The following EIF2B4 variants were observed in gnomAD, a reference collection of about 807,000 sequenced individuals.
The protein encoded by EIF2B4 is eukaryotic translation initiation factor 2B subunit delta.
Under a neutral mutation model 66.7 loss-of-function variants are expected in EIF2B4, and 34 were observed. The observed-to-expected ratio is 0.51, with a 90% CI of 0.39 to 0.68. The LOEUF is 0.68. Among genes scored for constraint, EIF2B4 ranks in the 30% least tolerant of loss-of-function variants. EIF2B4 has a pLI of 0.00. For missense variants in EIF2B4, 618 were observed against 657.9 expected (o/e 0.94, Z 0.66); for synonymous variants, 278 against 253.6 (o/e 1.10, Z -0.92).
chr2:27,370,218 C>T lies in EIF2B4; in HGVS notation c.31+66G>A, dbSNP rs577115995. On this transcript the variant is annotated intron_variant, in intron 1 of 12. Coordinates refer to ENST00000347454, the MANE Select transcript of EIF2B4 (RefSeq NM_001034116.2). ...GGCGGGGCCCAAAGGCGCTCAAGGC[C>T]CGGCACTAGCTGTCCGGAGCTCGTC... 1.8e-5 allele frequency: 27 copies of T among 1,541,214 alleles called. No homozygotes were observed. The South Asian group carries it at 3.1e-4, about 18-fold the overall frequency.
At chr2:27,366,547 G>A in intron 11 of EIF2B4, 1 of 623,548 alleles carries the variant, frequency 1.6e-6, no homozygotes, top group Middle Eastern at 4.4e-4. Context: ...GGGCATGGTG[G>A]CACACACCAG....
chr2:27,367,821 A>G lies in EIF2B4; in HGVS notation c.707T>C (p.Val236Ala), dbSNP rs1400485315. Residue 236 changes from valine (V) to alanine (A), a missense_variant and splice_region_variant, in exon 8 of 13, where the codon GTG becomes GCG. Val to Ala is a moderately conservative substitution (Grantham distance 64, BLOSUM62 0). Coordinates refer to ENST00000347454, the MANE Select transcript of EIF2B4 (RefSeq NM_001034116.2). ...AGGCGGTGTTGTGTAATCCTGAATC[A>G]CCTATAGGGTACACAAGGTGATCTG... The part of the protein sequence containing the change: ...CIALLRALQQ[V>A]IQDYTTPPNE... 3 of 1,613,760 alleles carry G rather than the reference A, an allele frequency of 1.9e-6. No homozygotes were observed. Among genetic ancestry groups the G allele is most frequent in the Non-Finnish European group, 2.5e-6 (3 of 1,179,774 alleles).
At chr2:27,370,035 C>T (rs1190599748) in intron 1 of EIF2B4, 116 bp from the exon 2 acceptor site, 1 of 1,511,850 alleles carries the variant, frequency 6.6e-7, no homozygotes, top group Non-Finnish European at 8.9e-7. Context: ...CGCCGGCAGG[C>T]GCGAGGCGAG....
Position 27,370,308 on chromosome 2 carries a change from C to T in EIF2B4, c.7G>A (p.Ala3Thr). MA[A>T]VAVAVREDSG... Reference sequence around the variant, plus strand: ...CCCTCGCGAACAGCCACGGCCACAGCAGCCATCGCCCTCAGTCCTAGGCTC... The same window carrying T: ...CCCTCGCGAACAGCCACGGCCACAGTAGCCATCGCCCTCAGTCCTAGGCTC... The change falls in exon 1 of 13, where the codon GCT becomes ACT. Residue 3 changes from alanine to threonine, a missense_variant. Physicochemically the swap from Ala to Thr is moderately conservative, Grantham distance 58. Coordinates refer to ENST00000347454, the MANE Select transcript of EIF2B4 (RefSeq NM_001034116.2). The T allele has an allele frequency of 1.3e-6, 2 of 1,544,518 alleles. No homozygotes were observed. Among genetic ancestry groups the T allele is most frequent in the Non-Finnish European group, 1.7e-6 (2 of 1,147,548 alleles).
At position 27,369,420 on chromosome 2, in the gene EIF2B4, A is replaced by C; in HGVS notation, c.205T>G (p.Cys69Gly). The C allele has an allele frequency of 6.2e-7, 1 of 1,613,952 alleles. No individual in the cohort carries two copies. The highest frequency in any genetic ancestry group is 8.5e-7 in the Non-Finnish European group (1 of 1,179,986). ...AAAGAGACCCCTCACTCACCTTGAC[A>C]TTGGGCTGCAGATACAGCAGAGCCA... ...ETGSAVSAAQ[C>G]QVGPTRELPE... Residue 69 changes from cysteine (C) to glycine (G), a missense_variant, in exon 3 of 13, where the codon TGT (cysteine) becomes GGT (glycine). Physicochemically the swap from Cys to Gly is radical, Grantham distance 159. Transcript: ENST00000347454.
rs753484412 is a variant in EIF2B4, at chr2:27,367,625, A to T, written c.783-66T>A. On this transcript the variant is annotated intron_variant, in intron 8 of 12. Coordinates refer to ENST00000347454, the MANE Select transcript of EIF2B4 (RefSeq NM_001034116.2). ...CACAACTTACAAAGCCTTCACATTT[A>T]AAAAAAAAGTCTTTAAAAAGAAAAT... 3.5e-4 allele frequency: 526 copies of T among 1,509,004 alleles called. 1 individual carries two copies. The highest frequency in any genetic ancestry group is 4.5e-4 in the Non-Finnish European group (494 of 1,089,502). 93.5% of individuals were successfully genotyped at this position (1,509,004 alleles called of 1,614,324 possible).
At chr2:27,369,947 A>G in intron 1 of EIF2B4, 28 bp from the exon 2 acceptor site, 1 of 1,567,906 alleles carries the variant, frequency 6.4e-7, no homozygotes, top group Non-Finnish European at 8.6e-7. Flanking sequence ...GCACAAAGTG[A>G]GCCAGAGAGA....
intron 9 of EIF2B4, 101 bp downstream of exon 9, chr2:27,367,356 T>C (rs1681935213): frequency 1.9e-6 from 3 of 1,582,426 alleles, no homozygotes; most frequent in Non-Finnish European, 2.6e-6. Flanking sequence ...AACCCTTGAC[T>C]AGGGCAAAAA....
intron 10 of EIF2B4, 41 bp from the exon 11 acceptor site, chr2:27,366,977 T>G (rs1176470790): frequency 6.2e-7 from 1 of 1,614,086 alleles, no homozygotes; most frequent in Non-Finnish European, 8.5e-7. Context: ...TAAATGTCAG[T>G]AACTGATGAC....
intron 6 of EIF2B4, 53 bp downstream of exon 6, chr2:27,368,319 A>T: frequency 1.3e-6 from 2 of 1,510,400 alleles, no homozygotes; most frequent in Non-Finnish European, 1.8e-6. Context: ...TTCAATACTG[A>T]CTTACTAAAA....
At position 27,367,535 on chromosome 2, in the gene EIF2B4, CAG is replaced by C. The variant is rs775042965; in HGVS notation, c.805_806del (p.Leu269ValfsTer12). ...TGATGGCGTTGTGCATGCTCGCTGA[CAG>C]GGGACGGCACTGAGTCAGGAAGCTA... ...YMSFLTQCRPLSASMHNAIKF... is the reference protein window; with the variant it reads ...YMSFLTQCRPXSASMHNAIKF... On this transcript the variant is annotated frameshift_variant, in exon 9 of 13. Coordinates refer to ENST00000347454, the MANE Select transcript of EIF2B4 (RefSeq NM_001034116.2). LOFTEE classifies it high-confidence loss of function. The C allele has an allele frequency of 1.2e-5, 20 of 1,613,956 alleles. No homozygotes were observed. The highest frequency in any genetic ancestry group is 2.2e-5 in the South Asian group (2 of 91,084).
At chr2:27,368,976 A>C (rs1453011531) in intron 4 of EIF2B4, 30 bp downstream of exon 4, 1 of 1,613,196 alleles carries the variant, frequency 6.2e-7, no homozygotes, top group African/African-American at 1.3e-5. Context: ...AATTAGGAGT[A>C]AGGGAGGTCT....
At chr2:27,368,274 T>C in intron 6 of EIF2B4, 98 bp downstream of exon 6, 2 of 1,363,360 alleles carry the variant, frequency 1.5e-6, no homozygotes, top group Non-Finnish European at 2.1e-6. Context: ...GTTCATACTT[T>C]TTCCTACAGA....
Position 27,369,909 on chromosome 2 carries a change from G to A in EIF2B4, c.42C>T (p.Ser14=), listed in dbSNP as rs753104792. 1.3e-6 allele frequency: 2 copies of A among 1,583,772 alleles called. No individual in the cohort carries two copies. The highest frequency in any genetic ancestry group is 1.8e-5 in the Admixed American group (1 of 55,400). Residue 14 remains serine, a synonymous_variant, in exon 2 of 13, where the codon TCC becomes TCT. Coordinates refer to ENST00000347454, the MANE Select transcript of EIF2B4 (RefSeq NM_001034116.2). ...CAGGGGGAAGCTCCGCCTTCATCCC[G>A]GATCCCGAGTCTGCATCAGAAAACA... The part of the protein sequence containing the change: ...VAVAVREDSG[S]GMKAELPPGP...
chr2:27,367,748 C>G lies in EIF2B4; in HGVS notation c.780G>C (p.Met260Ile). The G allele has an allele frequency of 6.2e-7, 1 of 1,611,690 alleles. No homozygotes were observed. Among genetic ancestry groups the G allele is most frequent in the Non-Finnish European group, 8.5e-7 (1 of 1,177,920 alleles). Reference sequence around the variant, plus strand: ...TGGACTTATAGTGTTGTCCCTACCTCATGTAGGGTTTTAGTTTATTCACTA... The same window carrying G: ...TGGACTTATAGTGTTGTCCCTACCTGATGTAGGGTTTTAGTTTATTCACTA... Reference protein sequence around the residue: ...RDLVNKLKPYMSFLTQCRPLS... With the variant: ...RDLVNKLKPYISFLTQCRPLS... Residue 260 changes from methionine (M) to isoleucine (I), a missense_variant and splice_region_variant, in exon 8 of 13, where the codon ATG becomes ATC. By Grantham distance (10) the Met-to-Ile change is conservative. This residue lies in a region of EIF2B4 where 506 missense variants were observed against 511.9 expected (regional missense o/e 0.99). Coordinates refer to ENST00000347454, the MANE Select transcript of EIF2B4 (RefSeq NM_001034116.2).
In EIF2B4 at chr2:27,366,769, A is replaced by G. The variant is rs755225054; in HGVS notation, c.1181T>C (p.Val394Ala). ...TTCCTCTGTACTTACCTCTGGGAGC[A>G]CATAGGAGGCTGCAGGAATCAGCAG... is the stretch of plus-strand genomic sequence containing the variant. ...SYLLIPAASYVLPEVSKVLLG... is the reference protein window; with the variant it reads ...SYLLIPAASYALPEVSKVLLG... Residue 394 changes from valine (V) to alanine (A), a missense_variant, in exon 11 of 13, where the codon GTG becomes GCG. Transcript: ENST00000347454. 6.2e-7 allele frequency: 1 copy of G among 1,614,204 alleles called. No homozygotes were observed. Among genetic ancestry groups the G allele is most frequent in the Non-Finnish European group, 8.5e-7 (1 of 1,180,036 alleles).
In EIF2B4 at chr2:27,369,460, C is replaced by T. The variant is rs768953969; in HGVS notation, c.165G>A (p.Gly55=). ...CAGCAGAGCCAGTCTCTGGTTCTGC[C>T]CCCTTTTCTTCCTTCCGTTTCTTCT... The part of the protein sequence containing the change: ...QQKKKRKEEK[G]AEPETGSAVS... Residue 55 remains glycine, a synonymous_variant, in exon 3 of 13, where the codon GGG becomes GGA. Transcript: ENST00000347454. 4 of 1,613,910 alleles carry T rather than the reference C, an allele frequency of 2.5e-6. No homozygotes were observed. In the African/African-American group the frequency reaches 4.0e-5, roughly 16 times the overall value.
chr2:27,366,638 C>T (rs899642940), intron 11 of EIF2B4, 121 bp downstream of exon 11: 32 of 1,189,936 alleles, frequency 2.7e-5, no homozygotes, highest in Non-Finnish European at 2.5e-5. Context: ...GTGATCACGT[C>T]GCTGCACTCC....
Position 27,364,796 on chromosome 2 carries a change from C to A in EIF2B4, c.1294G>T (p.Val432Leu), listed in dbSNP as rs1457343276. The change falls in exon 12 of 13, where the codon GTA (valine) becomes TTA (leucine). Residue 432 changes from valine to leucine, a missense_variant. Coordinates refer to ENST00000347454, the MANE Select transcript of EIF2B4 (RefSeq NM_001034116.2). ...QLALVARAHN[V>L]PVLVCCETYK... ...GTTTCACAGCAAACCAGCACTGGTA[C>A]ATTATGGGCTCGAGCCACCAGGGCT... is the stretch of plus-strand genomic sequence containing the variant. 6.2e-7 allele frequency: 1 copy of A among 1,614,198 alleles called. No homozygotes were observed. The highest frequency in any genetic ancestry group is 8.5e-7 in the Non-Finnish European group (1 of 1,180,042).
Sources: allele counts gnomAD v4.1 joint callset, GRCh38; gene constraint gnomAD v4.1.1; regional missense constraint gnomAD v4.1.1; transcripts MANE v1.5; gene names NCBI Gene and HGNC (gene_info 2026-07-23, HGNC 2026-07-21).